PXT1: variants seen among roughly 807,000 people sequenced by gnomAD.
PXT1 encodes the protein peroxisomal testis-specific protein 1.
Under a neutral mutation model 11.0 loss-of-function variants are expected in PXT1, and 11 were observed. The ratio of observed to expected loss-of-function variants is 1.00; its 90% CI spans 0.63 to 1.66. The LOEUF (loss-of-function observed/expected upper bound fraction) is 1.66. PXT1 is among the 40% of genes most tolerant of loss of function. The pLI is 0.00. For synonymous variants in PXT1, 43 were observed against 51.4 expected (o/e 0.84, Z 0.70); for missense variants, 141 against 155.5 (o/e 0.91, Z 0.49).
intron 2 of PXT1, among the ~76,000 whole-genome samples, 196 bp downstream of exon 2, chr6:36,438,571 T>C (rs865886902): frequency 1.3e-5 from 2 of 152,156 alleles, no homozygotes; most frequent in Non-Finnish European, 1.5e-5. Flanking sequence ...TACAGGTGCC[T>C]GCCACCACGC....
chr6:36,421,093 G>A (rs541323889), intron 3 of PXT1, among the ~76,000 whole-genome samples: 1 of 151,032 alleles, frequency 6.6e-6, no homozygotes, highest in South Asian at 2.1e-4. Context: ...TGTCATAATT[G>A]TATTGTGGTT....
chr6:36,394,229 A>T (rs1422803081), intron 4 of PXT1, among the ~76,000 whole-genome samples: 1 of 152,222 alleles, frequency 6.6e-6, no homozygotes, highest in Non-Finnish European at 1.5e-5. Flanking sequence ...AAGCTAAGTG[A>T]CCTTTGATAA....
intron 1 of PXT1, among the ~76,000 whole-genome samples, chr6:36,440,163 G>A (rs1385541292): frequency 6.6e-6 from 1 of 152,088 alleles, no homozygotes; most frequent in African/African-American, 2.4e-5. Context: ...CAAAATCTAG[G>A]GATTTTTGGT....
At chr6:36,421,063 A>G (rs1488850024) in intron 3 of PXT1, among the ~76,000 whole-genome samples, 1 of 152,100 alleles carries the variant, frequency 6.6e-6, no homozygotes, top group African/African-American at 2.4e-5. Flanking sequence ...TCAAAAAAAA[A>G]AAAAAAAGTA....
intron 1 of PXT1, among the ~76,000 whole-genome samples, chr6:36,440,081 G>A (rs947445850): frequency 1.3e-5 from 2 of 152,082 alleles, no homozygotes; most frequent in African/African-American, 2.4e-5. Flanking sequence ...CTGAGTGACA[G>A]GGCAAGACTC....
In PXT1 at chr6:36,400,548, A is replaced by C; in HGVS notation, c.206T>G (p.Ile69Ser). ...NLLSQPKEHS[I>S]VQKHHQEEII... Reference sequence around the variant, plus strand: ...TTCCTCCTGGTGATGCTTCTGAACAATGCTATGCTCCTTGGGCTGAGAAAG... The same window carrying C: ...TTCCTCCTGGTGATGCTTCTGAACACTGCTATGCTCCTTGGGCTGAGAAAG... The change falls in exon 4 of 5, where the codon ATT (isoleucine) becomes AGT (serine). Residue 69 changes from isoleucine (I) to serine (S), a missense_variant. Coordinates refer to ENST00000454782, the MANE Select transcript of PXT1 (RefSeq NM_152990.4). 1 of 1,613,878 alleles carries C rather than the reference A, an allele frequency of 6.2e-7. No individual in the cohort carries two copies. Among genetic ancestry groups the C allele is most frequent in the African/African-American group, 1.3e-5 (1 of 75,034 alleles).
At chr6:36,442,132 G>A (rs553219943) in intron 1 of PXT1, among the ~76,000 whole-genome samples, 1 of 152,170 alleles carries the variant, frequency 6.6e-6, no homozygotes, top group South Asian at 2.1e-4. Flanking sequence ...GGGTTCAAGT[G>A]ATTCTCCTGC....
chr6:36,408,122 C>G (rs1258962705), intron 3 of PXT1, among the ~76,000 whole-genome samples: 2 of 151,696 alleles, frequency 1.3e-5, no homozygotes, highest in African/African-American at 2.4e-5. Context: ...CCACCACACC[C>G]GGCTAATTTT....
At chr6:36,441,520 G>A (rs1774864127) in intron 1 of PXT1, among the ~76,000 whole-genome samples, 1 of 152,148 alleles carries the variant, frequency 6.6e-6, no homozygotes, top group African/African-American at 2.4e-5. Context: ...AGGCAAAGGA[G>A]AGCCCTTACA....
rs540711436 is a variant in PXT1, at chr6:36,391,526, G to A, written c.*244C>T. ...GTTTTCTGGGCAGCAAGGCTTCCTG[G>A]GGTCCTAATTACTCCTTGGGCTTTA... On this transcript the variant is annotated 3_prime_UTR_variant, in exon 5 of 5. Coordinates refer to ENST00000454782, the MANE Select transcript of PXT1 (RefSeq NM_152990.4). 126 of 486,998 alleles carry A rather than the reference G, an allele frequency of 2.6e-4. No individual in the cohort carries two copies. The highest frequency in any genetic ancestry group is 4.1e-4 in the Non-Finnish European group (113 of 274,692). The allele number at this position is 486,998 out of a possible 1,614,324, so 30.2% of individuals were successfully genotyped here.
At chr6:36,395,259 A>G (rs1014317358) in intron 4 of PXT1, among the ~76,000 whole-genome samples, 2 of 152,226 alleles carry the variant, frequency 1.3e-5, no homozygotes, top group Admixed American at 6.5e-5. Context: ...TAAATTGATG[A>G]GCTGCTTGAT....
At chr6:36,411,305 G>A (rs1011140817) in intron 3 of PXT1, among the ~76,000 whole-genome samples, 1 of 152,064 alleles carries the variant, frequency 6.6e-6, no homozygotes, top group Non-Finnish European at 1.5e-5. Flanking sequence ...ACAAAAATTA[G>A]CTGGGCATGG....
chr6:36,423,007 A>T (rs1177786628), intron 3 of PXT1, among the ~76,000 whole-genome samples: 3 of 148,630 alleles, frequency 2.0e-5, no homozygotes, highest in Non-Finnish European at 3.0e-5. Flanking sequence ...GTTGCTCTGG[A>T]CTTCCCACGA....
At chr6:36,418,814 C>T (rs1774486624) in intron 3 of PXT1, among the ~76,000 whole-genome samples, 1 of 152,198 alleles carries the variant, frequency 6.6e-6, no homozygotes, top group Non-Finnish European at 1.5e-5. Context: ...CTCCAGAGGC[C>T]ACTGAGCCAC....
chr6:36,426,265 T>C (rs527962906), intron 2 of PXT1, among the ~76,000 whole-genome samples, 174 bp from the exon 3 acceptor site: 6 of 152,048 alleles, frequency 3.9e-5, no homozygotes, highest in African/African-American at 1.4e-4. Context: ...TTCGATTTAG[T>C]TAAACATCTT....
chr6:36,398,851 CAGTCAG>C (rs2127410144), intron 4 of PXT1, among the ~76,000 whole-genome samples: 1 of 152,250 alleles, frequency 6.6e-6, no homozygotes, highest in East Asian at 1.9e-4. Flanking sequence ...CACTCTCCAT[CAGTCAG>C]TGTGCCCTGA....
intron 3 of PXT1, among the ~76,000 whole-genome samples, chr6:36,402,509 G>A (rs1490021748): frequency 2.6e-5 from 4 of 152,132 alleles, no homozygotes; most frequent in Non-Finnish European, 5.9e-5. Flanking sequence ...GAGTAAGAAC[G>A]AGGTTTGCAC....
chr6:36,439,151 C>A (rs1582278082), intron 1 of PXT1, among the ~76,000 whole-genome samples: 2 of 151,850 alleles, frequency 1.3e-5, no homozygotes, highest in East Asian at 3.9e-4. Context: ...GGCGCACCAC[C>A]GCGCCCAGCT....
rs564045861 is a variant in PXT1 at position 36,414,169 on chromosome 6, C to A, written c.169+11745G>T. Among the ~76,000 whole-genome samples the A allele has an allele frequency of 5.1e-3, 768 of 151,960 alleles. 7 individuals are homozygous for A. Among genetic ancestry groups the A allele is most frequent in the African/African-American group, 0.017 (690 of 41,418 alleles). ...GTAAGACTAAATTAAGAAGAAAAAA[C>A]CACAAGATTTAACAAAAGGTGGCTC... On this transcript the variant is annotated intron_variant, in intron 3 of 4. Coordinates refer to ENST00000454782, the MANE Select transcript of PXT1 (RefSeq NM_152990.4).
Sources: gnomAD v4.1 joint callset for allele counts (sites outside exome capture counted in the v4.1 genomes callset) on GRCh38, gnomAD v4.1.1 for gene constraint, MANE v1.5 for transcripts, NCBI Gene and HGNC (gene_info 2026-07-23, HGNC 2026-07-21) for gene names.